PIK3AP1: variants seen among roughly 807,000 people sequenced by gnomAD.
The protein encoded by PIK3AP1 is phosphoinositide 3-kinase adapter protein 1.
PIK3AP1 carries 21 observed loss-of-function variants against 88.1 expected under a neutral mutation model. The ratio of observed to expected loss-of-function variants is 0.24; its 90% CI spans 0.17 to 0.34. PIK3AP1 has a LOEUF of 0.34. Among genes scored for constraint, PIK3AP1 ranks in the 10% least tolerant of loss-of-function variants. The pLI is 1.00. For missense variants in PIK3AP1, 828 were observed against 1,035.7 expected (o/e 0.80, Z 2.75); for synonymous variants, 398 against 400.0 (o/e 1.00, Z 0.06).
chr10:96,666,779 C>T (rs1187063273), intron 2 of PIK3AP1, among the ~76,000 whole-genome samples: 1 of 151,930 alleles, frequency 6.6e-6, no homozygotes, highest in African/African-American at 2.4e-5. Context: ...AATGCTTATT[C>T]CCATTTTATA....
At chr10:96,635,006 G>C (rs7073402) in intron 8 of PIK3AP1, among the ~76,000 whole-genome samples, 2 of 152,094 alleles carry the variant, frequency 1.3e-5, no homozygotes, top group Non-Finnish European at 2.9e-5. Context: ...CACTGATGCC[G>C]TCTCTCTGGT....
intron 2 of PIK3AP1, among the ~76,000 whole-genome samples, chr10:96,673,408 C>T (rs571571685): frequency 6.6e-6 from 1 of 152,280 alleles, no homozygotes; most frequent in South Asian, 2.1e-4. Flanking sequence ...AAAGTGCTCC[C>T]CTCTAGGCAC....
chr10:96,654,127 T>C (rs1843581950), intron 3 of PIK3AP1, among the ~76,000 whole-genome samples: 2 of 152,236 alleles, frequency 1.3e-5, no homozygotes, highest in Non-Finnish European at 1.5e-5. Context: ...TCCTGGATTT[T>C]ACCACTGGGC....
At chr10:96,606,284 A>G (rs1849001501) in intron 14 of PIK3AP1, among the ~76,000 whole-genome samples, 2 of 152,146 alleles carry the variant, frequency 1.3e-5, no homozygotes. Context: ...CCCAACTAAA[A>G]GTAGCCCCTC....
chr10:96,699,009 C>A (rs1371817544), intron 2 of PIK3AP1, among the ~76,000 whole-genome samples: 2 of 151,910 alleles, frequency 1.3e-5, no homozygotes, highest in East Asian at 3.9e-4. Context: ...GAAATCCCAT[C>A]TCTACTAAAA....
At chr10:96,645,711 C>T (rs190096359) in intron 7 of PIK3AP1, 49 bp from the exon 8 acceptor site, 77 of 1,519,214 alleles carry the variant, frequency 5.1e-5, no homozygotes, top group Middle Eastern at 4.5e-4. Context: ...CCTGACTTTC[C>T]GGGTGGAACT....
intron 12 of PIK3AP1, 121 bp from the exon 13 acceptor site, chr10:96,616,832 C>G: frequency 1.1e-6 from 1 of 929,270 alleles, no homozygotes; most frequent in Non-Finnish European, 1.7e-6. Context: ...ACATTTACAA[C>G]ATGCAAATGA....
intron 2 of PIK3AP1, among the ~76,000 whole-genome samples, chr10:96,665,027 A>G (rs986129659): frequency 6.9e-6 from 1 of 145,340 alleles, no homozygotes; most frequent in African/African-American, 2.4e-5. Flanking sequence ...CGCTTTGAAG[A>G]TAATACCACC....
intron 2 of PIK3AP1, among the ~76,000 whole-genome samples, chr10:96,694,530 CCTTT>C (rs1256544705): frequency 2.7e-5 from 4 of 145,876 alleles, no homozygotes; most frequent in South Asian, 2.3e-4. Context: ...TTCTCTCCCT[CCTTT>C]CTTTCTTTTT....
intron 2 of PIK3AP1, among the ~76,000 whole-genome samples, chr10:96,707,474 T>A (rs1844379276): frequency 6.6e-6 from 1 of 152,132 alleles, no homozygotes; most frequent in African/African-American, 2.4e-5. Context: ...TGTATTTTTT[T>A]AGTAGAGATG....
chr10:96,707,345 T>G (rs959542155), intron 2 of PIK3AP1, among the ~76,000 whole-genome samples: 3 of 152,164 alleles, frequency 2.0e-5, no homozygotes, highest in Non-Finnish European at 4.4e-5. Context: ...CAGGCTGGAG[T>G]GCAGTGGCAC....
Position 96,651,334 on chromosome 10 carries a change from A to G in PIK3AP1, c.902T>C (p.Leu301Pro). 1 of 1,614,214 alleles carries G rather than the reference A, an allele frequency of 6.2e-7. No individual in the cohort carries two copies. Among genetic ancestry groups the G allele is most frequent in the Non-Finnish European group, 8.5e-7 (1 of 1,180,032 alleles). ...GATATTGTTCTTCAGGGATTCGGTT[A>G]GCAGTTTATCAAGGGTCTCTGTGTT... is the stretch of plus-strand genomic sequence containing the variant. Reference protein sequence around the residue: ...PYNTETLDKLLTESLKNNIPA... With the variant: ...PYNTETLDKLPTESLKNNIPA... The change falls in exon 6 of 17, where the codon CTA becomes CCA. Residue 301 changes from leucine (L) to proline (P), a missense_variant. By Grantham distance (98) the Leu-to-Pro change is moderately conservative. Coordinates refer to ENST00000339364, the MANE Select transcript of PIK3AP1 (RefSeq NM_152309.3).
chr10:96,688,075 G>A (rs1844098688), intron 2 of PIK3AP1, among the ~76,000 whole-genome samples: 1 of 152,146 alleles, frequency 6.6e-6, no homozygotes, highest in African/African-American at 2.4e-5. Context: ...TCTCTTCAAC[G>A]TTATGTTTAT....
intron 1 of PIK3AP1, among the ~76,000 whole-genome samples, chr10:96,716,477 C>T (rs967673005): frequency 1.3e-5 from 2 of 152,080 alleles, no homozygotes; most frequent in African/African-American, 4.8e-5. Context: ...GGCAAATTTG[C>T]CTTGATGTAA....
intron 13 of PIK3AP1, among the ~76,000 whole-genome samples, chr10:96,613,890 A>T (rs1353430447): frequency 6.6e-6 from 1 of 152,074 alleles, no homozygotes; most frequent in Non-Finnish European, 1.5e-5. Flanking sequence ...ATGCTCCCTA[A>T]TGGGGTGGGC....
intron 2 of PIK3AP1, among the ~76,000 whole-genome samples, chr10:96,683,081 A>G (rs934548224): frequency 6.6e-5 from 10 of 152,228 alleles, no homozygotes; most frequent in Admixed American, 4.6e-4. Context: ...TGTCACAACC[A>G]AAACTTAAAA....
chr10:96,648,975 A>G lies in PIK3AP1; in HGVS notation c.989-120T>C, dbSNP rs139518450. 3.9e-3 allele frequency: 3,053 copies of G among 779,136 alleles called. 10 individuals are homozygous for G. The highest frequency in any genetic ancestry group is 5.1e-3 in the East Asian group (162 of 31,602). The allele number at this position is 779,136 out of a possible 1,614,324, so 48.3% of individuals were successfully genotyped here. A position where few individuals can be genotyped will look rare whatever the true frequency, so the allele number is the denominator to read the frequency against. On this transcript the variant is annotated intron_variant, in intron 6 of 16. Transcript: ENST00000339364. ...AACAGAAAGCACTCAGCCATTACTT[A>G]TTGATTGACTGACCTAACATCTAAC... is the stretch of plus-strand genomic sequence containing the variant.
rs1294985030 is a variant in PIK3AP1 at position 96,720,362 on chromosome 10, C to T, written c.13+20G>A. 6.4e-6 allele frequency: 8 copies of T among 1,242,252 alleles called. No individual in the cohort carries two copies. In the African/African-American group the frequency reaches 1.1e-4, roughly 17 times the overall value. 77.0% of individuals were successfully genotyped at this position (1,242,252 alleles called of 1,614,324 possible). On this transcript the variant is annotated intron_variant, in intron 1 of 16. Coordinates refer to ENST00000339364, the MANE Select transcript of PIK3AP1 (RefSeq NM_152309.3). The surrounding 1 kb of genome is among the most constrained non-coding windows in gnomAD (Gnocchi z 4.6). ...GAGAGGGGCCGGGAGCCCGGGGACC[C>T]GCGGCGCCTGCCTACCCACCTGAGG...
chr10:96,676,203 G>A (rs965019299), intron 2 of PIK3AP1, among the ~76,000 whole-genome samples: 5 of 151,896 alleles, frequency 3.3e-5, no homozygotes, highest in African/African-American at 1.2e-4. Context: ...TTCACCCCAA[G>A]AACAGGATCA....
Sources: gnomAD v4.1 joint callset for allele counts (sites outside exome capture counted in the v4.1 genomes callset) on GRCh38, gnomAD v4.1.1 for gene constraint, Gnocchi (gnomAD v3.1) non-coding constraint, MANE v1.5 for transcripts, NCBI Gene and HGNC (gene_info 2026-07-23, HGNC 2026-07-21) for gene names.